The following ADCY6 variants were observed in gnomAD, a reference collection of about 807,000 sequenced individuals.
The protein encoded by ADCY6 is adenylate cyclase type 6.
A neutral mutation model predicts 111.6 loss-of-function variants in ADCY6; 59 were observed. The ratio of observed to expected loss-of-function variants is 0.53; its 90% CI spans 0.43 to 0.66. ADCY6 has a LOEUF of 0.66. Among genes scored for constraint, ADCY6 ranks in the 30% least tolerant of loss-of-function variants. The probability of loss-of-function intolerance (pLI) is 0.00; values close to 1 mark genes in which losing one functional copy is unlikely to be tolerated. For synonymous variants in ADCY6, 576 were observed against 642.9 expected, an observed-to-expected ratio of 0.90 and a Z score of 1.57; for missense variants, 1,242 against 1,595.6, an observed-to-expected ratio of 0.78 and a Z score of 3.78.
chr12:48,769,762 T>G (rs1490583985), intron 20 of ADCY6, among the ~76,000 whole-genome samples: 1 of 148,482 alleles, frequency 6.7e-6, no homozygotes, highest in East Asian at 2.0e-4. Flanking sequence ...AATTTTTGTT[T>G]TTTTTTTTTT....
rs1941719232 is a variant in ADCY6 at position 48,776,888 on chromosome 12, C to T, written c.1376+216G>A. On this transcript the variant is annotated intron_variant, in intron 6 of 21. Coordinates refer to ENST00000357869, the MANE Select transcript of ADCY6 (RefSeq NM_015270.5). This position sits in a 1 kb window ranked among gnomAD's most constrained non-coding sequence, Gnocchi z 6.1. Reference sequence around the variant, plus strand: ...TCCCTCTAGCCCAACTCCCCTACTGCATAGGCTCTCCCGGCCCCATCTCGG... The same window carrying T: ...TCCCTCTAGCCCAACTCCCCTACTGTATAGGCTCTCCCGGCCCCATCTCGG... 6.6e-6 allele frequency among the ~76,000 whole-genome samples: 1 copy of T among 152,230 alleles called. No individual in the cohort carries two copies. The highest frequency in any genetic ancestry group is 2.4e-5 in the African/African-American group (1 of 41,458).
intron 18 of ADCY6, 67 bp downstream of exon 18, chr12:48,772,228 C>T: frequency 6.5e-7 from 1 of 1,540,894 alleles, no homozygotes; most frequent in Non-Finnish European, 8.7e-7. Flanking sequence ...GCACAAGATA[C>T]ATTTCTGGCC....
chr12:48,774,294 G>A (rs957559382), intron 14 of ADCY6, 108 bp downstream of exon 14: 1 of 1,203,122 alleles, frequency 8.3e-7, no homozygotes, highest in Non-Finnish European at 1.2e-6. Context: ...ATTCTGGGAG[G>A]GGGCTCCCTG....
chr12:48,783,076 C>G lies in ADCY6; in HGVS notation c.359G>C (p.Arg120Pro). ...AVPRSGRSCWRRLVQVFQSKQ... is the reference protein window; with the variant it reads ...AVPRSGRSCWPRLVQVFQSKQ... ...CGACTGGAACACCTGCACCAGACGG[C>G]GCCAGCAGGATCGCCCACTCCTGGG... The change falls in exon 2 of 22, where the codon CGC (arginine) becomes CCC (proline). Residue 120 changes from arginine to proline, a missense_variant. This residue lies in a region of ADCY6 where 362 missense variants were observed against 377.2 expected (regional missense o/e 0.96). Coordinates refer to ENST00000357869, the MANE Select transcript of ADCY6 (RefSeq NM_015270.5). 6.2e-7 allele frequency: 1 copy of G among 1,612,668 alleles called. No homozygotes were observed. Among genetic ancestry groups the G allele is most frequent in the Non-Finnish European group, 8.5e-7 (1 of 1,179,616 alleles).
At position 48,780,583 on chromosome 12, in the gene ADCY6, G is replaced by A. The variant is rs114410839; in HGVS notation, c.864+1988C>T. 7.1e-3 allele frequency among the ~76,000 whole-genome samples: 1,077 copies of A among 152,260 alleles called. 12 individuals carry two copies. The highest frequency in any genetic ancestry group is 0.025 in the African/African-American group (1,027 of 41,528). On this transcript the variant is annotated intron_variant, in intron 2 of 21. Transcript: ENST00000357869. Reference sequence around the variant, plus strand: ...TGTAGCCAGACACTCCTGGGGAGACGGGCACAGTCCTGGCCTCCCTGGGAC... The same window carrying A: ...TGTAGCCAGACACTCCTGGGGAGACAGGCACAGTCCTGGCCTCCCTGGGAC...
intron 20 of ADCY6, 68 bp downstream of exon 20, chr12:48,770,698 A>G (rs1592154085): frequency 6.6e-7 from 1 of 1,513,388 alleles, no homozygotes; most frequent in Non-Finnish European, 9.1e-7. Flanking sequence ...TCCCATCCCC[A>G]GCCTATAATC....
In ADCY6 at chr12:48,783,106, G is replaced by A; in HGVS notation, c.329C>T (p.Ala110Val). The change falls in exon 2 of 22, where the codon GCG becomes GTG. Residue 110 changes from alanine to valine, a missense_variant. Physicochemically the swap from Ala to Val is moderately conservative, Grantham distance 64 (BLOSUM62 0). Coordinates refer to ENST00000357869, the MANE Select transcript of ADCY6 (RefSeq NM_015270.5). ...GCAGGATCGCCCACTCCTGGGCACC[G>A]CGTCGGGCGCCACCTCAGCCGTCCC... ...AGGTAEVAPD[A>V]VPRSGRSCWR... 6 of 1,610,354 alleles carry A rather than the reference G, an allele frequency of 3.7e-6. No homozygotes were observed. Among genetic ancestry groups the A allele is most frequent in the East Asian group, 4.5e-5 (2 of 44,852 alleles).
At chr12:48,778,795 T>C (rs1461849741) in intron 2 of ADCY6, among the ~76,000 whole-genome samples, 1 of 152,172 alleles carries the variant, frequency 6.6e-6, no homozygotes, top group African/African-American at 2.4e-5. Context: ...ATTGTCATTA[T>C]TATTATGGTA....
chr12:48,776,285 C>A lies in ADCY6; in HGVS notation c.1601G>T (p.Arg534Leu). The change falls in exon 8 of 22, where the codon CGT becomes CTT. Residue 534 changes from arginine (R) to leucine (L), a missense_variant. This residue lies in a region of ADCY6 where 260 missense variants were observed against 414.6 expected (regional missense o/e 0.63). Transcript: ENST00000357869. This position sits in a 1 kb window ranked among gnomAD's most constrained non-coding sequence, Gnocchi z 6.1. ...GAGGTACGCGTTGCGCTCGCCACCA[C>A]GGCCTGGCTCCACCTCGTAGTCCCC... Reference protein sequence around the residue: ...LNGDYEVEPGRGGERNAYLKE... With the variant: ...LNGDYEVEPGLGGERNAYLKE... The A allele has an allele frequency of 6.2e-7, 1 of 1,614,248 alleles. No homozygotes were observed. Among genetic ancestry groups the A allele is most frequent in the Non-Finnish European group, 8.5e-7 (1 of 1,180,048 alleles).
intron 2 of ADCY6, among the ~76,000 whole-genome samples, chr12:48,779,657 G>C (rs550763421): frequency 6.6e-6 from 1 of 152,312 alleles, no homozygotes; most frequent in Admixed American, 6.5e-5. Context: ...GCAAGTCTAA[G>C]GGAAGCTGGC....
At chr12:48,783,716 G>A (rs750415068) in intron 1 of ADCY6, 3 of 562,810 alleles carry the variant, frequency 5.3e-6, no homozygotes, top group Non-Finnish European at 8.9e-6. Context: ...GCCGAGATAG[G>A]AGGATGGCTT....
chr12:48,774,468 C>A lies in ADCY6; in HGVS notation c.2217G>T (p.Arg739=). The change falls in exon 14 of 22, where the codon CGG becomes CGT. Residue 739 remains arginine (R), a synonymous_variant. Transcript: ENST00000357869. ...QRLSRSIVRS[R]AHSTAVGIFS... The stretch of plus-strand genomic sequence containing the variant: ...AGATGCCAACTGCGGTGCTATGTGC[C>A]CGTGAGCGGACAATGCTGCGGGACA... 1 of 1,613,832 alleles carries A rather than the reference C, an allele frequency of 6.2e-7. No individual in the cohort carries two copies. The highest frequency in any genetic ancestry group is 8.5e-7 in the Non-Finnish European group (1 of 1,179,956).
chr12:48,780,897 C>T (rs186886986), intron 2 of ADCY6, among the ~76,000 whole-genome samples: 39 of 152,186 alleles, frequency 2.6e-4, no homozygotes, highest in African/African-American at 2.7e-4. Flanking sequence ...TAAAAAGGTA[C>T]GTTCTGGCAT....
Position 48,774,421 on chromosome 12 carries a change from G to A in ADCY6, c.2264C>T (p.Thr755Ile). 6.2e-7 allele frequency: 1 copy of A among 1,613,848 alleles called. No individual in the cohort carries two copies. Among genetic ancestry groups the A allele is most frequent in the Non-Finnish European group, 8.5e-7 (1 of 1,179,852 alleles). Reference protein sequence around the residue: ...VGIFSVLLVFTSAIANMFTCN... With the variant: ...VGIFSVLLVFISAIANMFTCN... Reference sequence around the variant, plus strand: ...CCTTACCATGTTGGCAATGGCAGAAGTAAACACAAGCAGGACGGAAAAGAT... The same window carrying A: ...CCTTACCATGTTGGCAATGGCAGAAATAAACACAAGCAGGACGGAAAAGAT... The change falls in exon 14 of 22, where the codon ACT becomes ATT. Residue 755 changes from threonine to isoleucine, a missense_variant. Thr to Ile is a moderately conservative substitution (Grantham distance 89). Around this residue, in one of 4 missense-constraint regions of ADCY6, gnomAD observed 375 missense variants for 432.5 expected, o/e 0.87. Transcript: ENST00000357869.
chr12:48,786,417 A>G (rs970770818), intron 1 of ADCY6, among the ~76,000 whole-genome samples: 1 of 152,164 alleles, frequency 6.6e-6, no homozygotes, highest in Non-Finnish European at 1.5e-5. Context: ...CCTAGGCTGG[A>G]GTGCAGTGGC....
chr12:48,781,532 G>A (rs1941845772), intron 2 of ADCY6, among the ~76,000 whole-genome samples: 1 of 152,156 alleles, frequency 6.6e-6, no homozygotes, highest in African/African-American at 2.4e-5. Flanking sequence ...CTCTCTGAAA[G>A]GGACTTCCCA....
In ADCY6 at chr12:48,777,515, C is replaced by A. The variant is rs1302265043; in HGVS notation, c.1143G>T (p.Leu381=). 1.9e-6 allele frequency: 3 copies of A among 1,614,106 alleles called. No homozygotes were observed. Among genetic ancestry groups the A allele is most frequent in the Non-Finnish European group, 2.5e-6 (3 of 1,180,046 alleles). ...YIQKHDNVSI[L]FADIEGFTSL... is the part of the protein sequence containing the mutation. The stretch of plus-strand genomic sequence containing the variant: ...TGGTGAAGCCCTCAATGTCTGCAAA[C>A]AGGATGCTGTAGATGACAGCAGAGG... Residue 381 remains leucine, a synonymous_variant, in exon 5 of 22, where the codon CTG becomes CTT. Transcript: ENST00000357869. This position sits in a 1 kb window ranked among gnomAD's most constrained non-coding sequence, Gnocchi z 4.9.
Position 48,783,457 on chromosome 12 carries a change from G to C in ADCY6, c.-4-19C>G. The C allele has an allele frequency of 3.1e-6, 5 of 1,614,068 alleles. No homozygotes were observed. Among genetic ancestry groups the C allele is most frequent in the Non-Finnish European group, 4.2e-6 (5 of 1,179,982 alleles). On this transcript the variant is annotated intron_variant, in intron 1 of 21. Transcript: ENST00000357869. ...CATGTTGCTGGTAGGGAAGGAAGGA[G>C]ATAGTATTAGAGACCATCCAGTAGG...
rs1471411415 is a variant in ADCY6, at chr12:48,768,954, C to T, written c.3364G>A (p.Val1122Ile). 6.2e-7 allele frequency: 1 copy of T among 1,613,514 alleles called. No homozygotes were observed. The highest frequency in any genetic ancestry group is 1.1e-5 in the South Asian group (1 of 90,934). ...NVSSRMDSTGVPDRIQVTTDL... is the reference protein window; with the variant it reads ...NVSSRMDSTGIPDRIQVTTDL... ...CCCCTCACCTGGATTCGGTCGGGGA[C>T]CCCCGTGCTGTCCATACGACTAGAG... The change falls in exon 21 of 22, where the codon GTC (valine) becomes ATC (isoleucine). Residue 1122 changes from valine (V) to isoleucine (I), a missense_variant. This residue lies in a region of ADCY6 where 245 missense variants were observed against 371.3 expected (regional missense o/e 0.66). Transcript: ENST00000357869.
Sources: allele counts gnomAD v4.1 joint callset (sites outside exome capture counted in the v4.1 genomes callset), GRCh38; gene constraint gnomAD v4.1.1; regional missense constraint gnomAD v4.1.1; non-coding constraint Gnocchi (gnomAD v3.1); transcripts MANE v1.5; gene names NCBI Gene and HGNC (gene_info 2026-07-23, HGNC 2026-07-21).